Variants in SEMA6D observed in about 807,000 individuals in gnomAD.
The protein encoded by SEMA6D is semaphorin 6D.
SEMA6D carries 35 observed loss-of-function variants against 106.6 expected under a neutral mutation model. The observed-to-expected ratio is 0.33, with a 90% CI of 0.25 to 0.44. The LOEUF is 0.44. SEMA6D is among the 20% of genes least tolerant of loss of function. The probability of loss-of-function intolerance (pLI) is 1.00; values close to 1 mark genes in which losing one functional copy is unlikely to be tolerated. For synonymous variants in SEMA6D, 499 were observed against 487.7 expected (o/e 1.02, Z -0.31); for missense variants, 1,185 against 1,345.9 (o/e 0.88, Z 1.87).
At chr15:47,553,590 C>T (rs1013887242) in intron 3 of SEMA6D, among the ~76,000 whole-genome samples, 6 of 152,158 alleles carry the variant, frequency 3.9e-5, no homozygotes, top group African/African-American at 1.4e-4. Context: ...CACCAAGGGG[C>T]TAAAAAGACT....
intron 3 of SEMA6D, among the ~76,000 whole-genome samples, chr15:47,575,347 A>T (rs2076138366): frequency 6.6e-6 from 1 of 152,178 alleles, no homozygotes; most frequent in African/African-American, 2.4e-5. Flanking sequence ...GGTGAGTCAT[A>T]GCTGAAGCCA....
intron 3 of SEMA6D, among the ~76,000 whole-genome samples, chr15:47,589,247 G>T (rs962450982): frequency 6.6e-6 from 1 of 152,188 alleles, no homozygotes; most frequent in Non-Finnish European, 1.5e-5. Flanking sequence ...GCAAGAAAGG[G>T]TACATGGATG....
At chr15:47,738,120 C>T (rs911019763) in intron 1 of SEMA6D, among the ~76,000 whole-genome samples, 18 of 151,962 alleles carry the variant, frequency 1.2e-4, no homozygotes, top group Admixed American at 3.9e-4. Flanking sequence ...TTTGCTGCAC[C>T]TCTTGGCCCA....
At chr15:47,571,348 T>C (rs1157457149) in intron 3 of SEMA6D, among the ~76,000 whole-genome samples, 1 of 152,260 alleles carries the variant, frequency 6.6e-6, no homozygotes, top group Non-Finnish European at 1.5e-5. Context: ...CTAATGCTCC[T>C]GGAATTTATT....
chr15:47,201,383 C>T (rs576625988), intron 1 of SEMA6D, among the ~76,000 whole-genome samples: 1 of 152,164 alleles, frequency 6.6e-6, no homozygotes, highest in South Asian at 2.1e-4. Flanking sequence ...ATAATGCTTT[C>T]AAGACAAGGA....
intron 3 of SEMA6D, among the ~76,000 whole-genome samples, chr15:47,575,753 T>G (rs2142976742): frequency 6.6e-6 from 1 of 152,130 alleles, no homozygotes; most frequent in African/African-American, 2.4e-5. Context: ...AGTTGGTGCT[T>G]TCACAGTAAG....
intron 4 of SEMA6D, among the ~76,000 whole-genome samples, chr15:47,681,524 G>T (rs983436066): frequency 6.6e-6 from 1 of 152,172 alleles, no homozygotes; most frequent in Non-Finnish European, 1.5e-5. Flanking sequence ...GAGCTGTACT[G>T]TACAACATTG....
chr15:47,194,025 A>G (rs1482226639), intron 1 of SEMA6D, among the ~76,000 whole-genome samples: 1 of 151,938 alleles, frequency 6.6e-6, no homozygotes, highest in African/African-American at 2.4e-5. Context: ...AGTACAGCAT[A>G]TGGTAGACAA....
chr15:47,621,293 C>T (rs1042106179), intron 4 of SEMA6D, among the ~76,000 whole-genome samples: 3 of 152,126 alleles, frequency 2.0e-5, no homozygotes, highest in Admixed American at 6.5e-5. Flanking sequence ...ACAAAAGGAT[C>T]GCCAAATGTC....
rs112912223 is a variant in SEMA6D, at chr15:47,390,710, G to T, written c.-238-21683G>T. On this transcript the variant is annotated intron_variant, in intron 1 of 19. Transcript: ENST00000558014. The stretch of plus-strand genomic sequence containing the variant: ...TTTAACTTAAATATCGATTCCTCAG[G>T]TCTTTTGTGAAGACATTAGTAGGTG... Among the ~76,000 whole-genome samples the T allele has an allele frequency of 2.5e-3, 378 of 152,196 alleles. 3 individuals carry two copies. Among genetic ancestry groups the T allele is most frequent in the African/African-American group, 8.9e-3 (368 of 41,520 alleles).
chr15:47,278,650 A>G (rs965835083), intron 1 of SEMA6D, among the ~76,000 whole-genome samples: 21 of 151,764 alleles, frequency 1.4e-4, no homozygotes, highest in East Asian at 5.8e-4. Flanking sequence ...GGCTTTTGTT[A>G]CCATTGCTTT....
At chr15:47,763,787 C>A in intron 9 of SEMA6D, 63 bp from the exon 10 acceptor site, 2 of 1,400,666 alleles carry the variant, frequency 1.4e-6, no homozygotes, top group South Asian at 1.2e-5. Context: ...TAAACAGTAT[C>A]ATTTTGTTTC....
In SEMA6D at chr15:47,547,225, A is replaced by T. The variant is rs889166997; in HGVS notation, c.-86-53640A>T. 2.6e-5 allele frequency among the ~76,000 whole-genome samples: 4 copies of T among 152,118 alleles called. No individual in the cohort carries two copies. The South Asian group carries it at 8.3e-4, about 31-fold the overall frequency. Reference sequence around the variant, plus strand: ...GGGAAAAAATGTTGAAAATTAAATTAAAATTTCCCCAAATTAAAACCCACC... The same window carrying T: ...GGGAAAAAATGTTGAAAATTAAATTTAAATTTCCCCAAATTAAAACCCACC... On this transcript the variant is annotated intron_variant, in intron 3 of 19. Transcript: ENST00000558014.
rs143637925 is a variant in SEMA6D at position 47,284,228 on chromosome 15, A to T, written c.-239+99810A>T. On this transcript the variant is annotated intron_variant, in intron 1 of 19. Transcript: ENST00000558014. ...AAGATGTTTGAACATCTGCCAGAAG[A>T]TGTGCTTGAACCTATTGTTTATATG... is the stretch of plus-strand genomic sequence containing the variant. Among the ~76,000 whole-genome samples, 11 of 152,320 alleles carry T rather than the reference A, an allele frequency of 7.2e-5. No homozygotes were observed. The East Asian group carries it at 2.1e-3, about 29-fold the overall frequency.
chr15:47,505,930 T>C (rs2044022923), intron 3 of SEMA6D, among the ~76,000 whole-genome samples: 1 of 151,868 alleles, frequency 6.6e-6, no homozygotes, highest in African/African-American at 2.4e-5. Context: ...GTGTGGGACG[T>C]GATTGCAGAG....
At chr15:47,227,512 CTTCT>C (rs2031806028) in intron 1 of SEMA6D, among the ~76,000 whole-genome samples, 1 of 126,894 alleles carries the variant, frequency 7.9e-6, no homozygotes, top group Non-Finnish European at 1.7e-5. Flanking sequence ...CTTTGTTTCT[CTTCT>C]TTTTCTTTCT....
rs766008936 is a variant in SEMA6D at position 47,770,673 on chromosome 15, G to A, written c.2110G>A (p.Ala704Thr). Residue 704 changes from alanine (A) to threonine (T), a missense_variant, in exon 19 of 19, where the codon GCC becomes ACC. Physicochemically the swap from Ala to Thr is moderately conservative, Grantham distance 58. Coordinates refer to ENST00000536845, the MANE Select transcript of SEMA6D (RefSeq NM_001358351.3). Reference protein sequence around the residue: ...NRKIHKDAESAQSCTDSSGSF... With the variant: ...NRKIHKDAESTQSCTDSSGSF... ...AAAGATCCATAAAGATGCAGAGTCC[G>A]CCCAGTCATGCACAGACTCCAGTGG... is the stretch of plus-strand genomic sequence containing the variant. 1.5e-5 allele frequency: 24 copies of A among 1,613,928 alleles called. No homozygotes were observed. Among genetic ancestry groups the A allele is most frequent in the East Asian group, 1.1e-4 (5 of 44,876 alleles).
In SEMA6D at chr15:47,489,657, A is replaced by AT. The variant is rs796081859; in HGVS notation, c.-87+19124dup. On this transcript the variant is annotated intron_variant, in intron 3 of 19. Transcript: ENST00000558014. ...ATGTCAAGTTTGATTCTACTTGCAC[A>AT]TTTTTTTTTTTTGAGACGGAGTCTT... is the stretch of plus-strand genomic sequence containing the variant. 2.6e-3 allele frequency among the ~76,000 whole-genome samples: 379 copies of AT among 144,654 alleles called. 1 individual carries two copies. The highest frequency in any genetic ancestry group is 6.0e-3 in the African/African-American group (238 of 39,698). The allele number at this position is 144,654 out of a possible 152,430, so 94.9% of individuals were successfully genotyped here.
At chr15:47,467,823 G>A (rs562112889) in intron 2 of SEMA6D, among the ~76,000 whole-genome samples, 2 of 152,286 alleles carry the variant, frequency 1.3e-5, no homozygotes, top group South Asian at 4.1e-4. Flanking sequence ...AAATGTGCCT[G>A]CTCCATTAGG....
Sources: gnomAD v4.1 joint callset for allele counts (sites outside exome capture counted in the v4.1 genomes callset) on GRCh38, gnomAD v4.1.1 for gene constraint, MANE v1.5 for transcripts, NCBI Gene and HGNC (gene_info 2026-07-23, HGNC 2026-07-21) for gene names.